The following ADAMTS16 variants were observed in gnomAD, a reference collection of about 807,000 sequenced individuals.
ADAMTS16 encodes ADAM metallopeptidase with thrombospondin type 1 motif 16, also known as A disintegrin and metalloproteinase with thrombospondin motifs 16.
Under a neutral mutation model 145.8 loss-of-function variants are expected in ADAMTS16, and 94 were observed. The ratio of observed to expected loss-of-function variants is 0.64; its 90% CI spans 0.55 to 0.77. The LOEUF is 0.77. Ranked by LOEUF, ADAMTS16 falls within the 30% of genes least tolerant of loss-of-function variation. The pLI is 0.00. For synonymous variants in ADAMTS16, 659 were observed against 604.3 expected (o/e 1.09, Z -1.33); for missense variants, 1,585 against 1,591.5 (o/e 1.00, Z 0.07).
chr5:5,285,500 A>T (rs563386267), intron 18 of ADAMTS16, among the ~76,000 whole-genome samples: 189 of 152,348 alleles, frequency 1.2e-3, no homozygotes, highest in African/African-American at 4.5e-3. Context: ...AGCCTTGGGC[A>T]CATTTGTTAG....
At chr5:5,306,102 C>T (rs913413257) in intron 20 of ADAMTS16, among the ~76,000 whole-genome samples, 5 of 152,226 alleles carry the variant, frequency 3.3e-5, no homozygotes, top group Non-Finnish European at 7.3e-5. Flanking sequence ...CTACCTGCCC[C>T]AGCTTTAGGG....
chr5:5,228,411 T>C (rs1419854481), intron 11 of ADAMTS16, among the ~76,000 whole-genome samples: 3 of 152,172 alleles, frequency 2.0e-5, no homozygotes, highest in African/African-American at 7.2e-5. Flanking sequence ...ATAAAAGAGA[T>C]ACAAATATAA....
At chr5:5,302,001 A>G (rs1739798502) in intron 18 of ADAMTS16, among the ~76,000 whole-genome samples, 1 of 152,144 alleles carries the variant, frequency 6.6e-6, no homozygotes, top group Non-Finnish European at 1.5e-5. Flanking sequence ...GGAAATTAAC[A>G]TGAATGGAAA....
chr5:5,175,784 T>C (rs1313994992), intron 3 of ADAMTS16, among the ~76,000 whole-genome samples: 1 of 152,126 alleles, frequency 6.6e-6, no homozygotes, highest in African/African-American at 2.4e-5. Flanking sequence ...TCCACTGTGA[T>C]AGGGCAGCAC....
At position 5,235,143 on chromosome 5, in the gene ADAMTS16, C is replaced by G; in HGVS notation, c.1980C>G (p.Phe660Leu). 2 of 1,593,396 alleles carry G rather than the reference C, an allele frequency of 1.3e-6. No individual in the cohort carries two copies. Among genetic ancestry groups the G allele is most frequent in the East Asian group, 2.3e-5 (1 of 44,204 alleles). ...GTGCCGAGCACAACAGCAGACGATT[C>G]AGAGGGCGGCACTACAAGTGGAAGC... Reference protein sequence around the residue: ...AQCAEHNSRRFRGRHYKWKPY... With the variant: ...AQCAEHNSRRLRGRHYKWKPY... The change falls in exon 13 of 23, where the codon TTC becomes TTG. Residue 660 changes from phenylalanine (F) to leucine (L), a missense_variant. Physicochemically the swap from Phe to Leu is conservative, Grantham distance 22. Coordinates refer to ENST00000274181, the MANE Select transcript of ADAMTS16 (RefSeq NM_139056.4).
chr5:5,199,799 G>C (rs1474166017), intron 8 of ADAMTS16, among the ~76,000 whole-genome samples: 1 of 152,206 alleles, frequency 6.6e-6, no homozygotes, highest in Non-Finnish European at 1.5e-5. Flanking sequence ...GAGCAGAAAA[G>C]AGTGTGGAGA....
intron 18 of ADAMTS16, among the ~76,000 whole-genome samples, chr5:5,281,110 C>T (rs1049831392): frequency 6.6e-6 from 1 of 152,184 alleles, no homozygotes; most frequent in African/African-American, 2.4e-5. Context: ...AGTGTCAGTG[C>T]AGAAATGATA....
intron 3 of ADAMTS16, among the ~76,000 whole-genome samples, chr5:5,180,223 G>T (rs1735303185): frequency 6.6e-6 from 1 of 152,100 alleles, no homozygotes; most frequent in Non-Finnish European, 1.5e-5. Context: ...GAGTGTCTCA[G>T]TCAGTGGGCA....
At chr5:5,160,770 A>C (rs1330752097) in intron 3 of ADAMTS16, among the ~76,000 whole-genome samples, 1 of 151,932 alleles carries the variant, frequency 6.6e-6, no homozygotes, top group Non-Finnish European at 1.5e-5. Context: ...AAAAAAAAAA[A>C]AACCAGCTTT....
At chr5:5,212,190 G>A (rs6889404) in intron 10 of ADAMTS16, among the ~76,000 whole-genome samples, 1 of 99,890 alleles carries the variant, frequency 1.0e-5, no homozygotes, top group Non-Finnish European at 2.3e-5. Context: ...AGTTTCTGGG[G>A]TTTTTTTTGT....
At chr5:5,294,138 C>G (rs1025969323) in intron 18 of ADAMTS16, among the ~76,000 whole-genome samples, 10 of 152,306 alleles carry the variant, frequency 6.6e-5, no homozygotes, top group African/African-American at 1.9e-4. Context: ...GACTTAGAAG[C>G]TAGGGGACAA....
In ADAMTS16 at chr5:5,320,296, T is replaced by G. The variant is rs560585575; in HGVS notation, c.*1158T>G. ...AAGTTTTATAATAAAGTTTATATGGTACAGTGTGCTTCTGAACTACCTCAT... is the reference window on the plus strand; with the variant it reads ...AAGTTTTATAATAAAGTTTATATGGGACAGTGTGCTTCTGAACTACCTCAT... On this transcript the variant is annotated 3_prime_UTR_variant, in exon 23 of 23. Coordinates refer to ENST00000274181, the MANE Select transcript of ADAMTS16 (RefSeq NM_139056.4). This position sits in a 1 kb window ranked among gnomAD's most constrained non-coding sequence, Gnocchi z 5.1. 1.2e-4 allele frequency: 26 copies of G among 208,126 alleles called. No homozygotes were observed. The South Asian group carries it at 1.4e-3, about 11-fold the overall frequency. The allele number at this position is 208,126 out of a possible 1,614,324, so 12.9% of individuals were successfully genotyped here. A position where few individuals can be genotyped will look rare whatever the true frequency, so the allele number is the denominator to read the frequency against.
intron 11 of ADAMTS16, among the ~76,000 whole-genome samples, chr5:5,226,383 C>T (rs1454703564): frequency 2.6e-5 from 4 of 152,048 alleles, no homozygotes; most frequent in African/African-American, 9.7e-5. Flanking sequence ...CTATCAGATC[C>T]CATGAGACTT....
chr5:5,224,101 G>C (rs1054919821), intron 11 of ADAMTS16, among the ~76,000 whole-genome samples: 1 of 151,956 alleles, frequency 6.6e-6, no homozygotes, highest in Non-Finnish European at 1.5e-5. Flanking sequence ...ACAGAAATAA[G>C]ATAAACTTAT....
At chr5:5,140,629 C>A (rs765625721) in intron 1 of ADAMTS16, 35 bp from the exon 2 acceptor site, 1 of 1,530,270 alleles carries the variant, frequency 6.5e-7, no homozygotes, top group African/African-American at 1.4e-5. Flanking sequence ...GCGGACCCCG[C>A]CGTCTCACCG....
At chr5:5,294,702 G>A (rs1739460949) in intron 18 of ADAMTS16, among the ~76,000 whole-genome samples, 1 of 152,226 alleles carries the variant, frequency 6.6e-6, no homozygotes, top group Non-Finnish European at 1.5e-5. Flanking sequence ...ATACACAGGA[G>A]GGAGTAGCTT....
chr5:5,273,583 G>A (rs574365663), intron 18 of ADAMTS16, among the ~76,000 whole-genome samples: 17 of 152,304 alleles, frequency 1.1e-4, no homozygotes, highest in South Asian at 6.2e-4. Flanking sequence ...ACAGTGTGAC[G>A]TCACCAGATC....
At chr5:5,197,333 T>C (rs1735833035) in intron 8 of ADAMTS16, among the ~76,000 whole-genome samples, 1 of 152,220 alleles carries the variant, frequency 6.6e-6, no homozygotes, top group Non-Finnish European at 1.5e-5. Context: ...AAGCATGACA[T>C]TGAAATATAA....
chr5:5,190,915 G>T (rs547955839), intron 7 of ADAMTS16, among the ~76,000 whole-genome samples: 1 of 152,002 alleles, frequency 6.6e-6, no homozygotes, highest in African/African-American at 2.4e-5. Flanking sequence ...CCTAAATTGT[G>T]TGTACAAACA....
Sources: allele counts gnomAD v4.1 joint callset (sites outside exome capture counted in the v4.1 genomes callset), GRCh38; gene constraint gnomAD v4.1.1; non-coding constraint Gnocchi (gnomAD v3.1); transcripts MANE v1.5; gene names NCBI Gene and HGNC (gene_info 2026-07-23, HGNC 2026-07-21).